Variants in COL4A4 observed in about 807,000 individuals in gnomAD.
COL4A4 encodes the protein collagen type IV alpha 4 chain, also known as collagen alpha-4(IV) chain.
In COL4A4, 105 loss-of-function variants were observed where a neutral mutation model predicts 192.9. The ratio of observed to expected loss-of-function variants is 0.54; its 90% confidence interval spans 0.46 to 0.64. COL4A4 has a LOEUF of 0.64. Ranked by LOEUF, COL4A4 falls within the 30% of genes least tolerant of loss-of-function variation. The pLI, the probability that COL4A4 is intolerant of heterozygous loss-of-function variation, is 0.00. For synonymous variants in COL4A4, 762 were observed against 769.9 expected (o/e 0.99, Z 0.17); for missense variants, 1,967 against 2,169.3 (o/e 0.91, Z 1.85).
chr2:227,153,889 G>A (rs764824857), intron 1 of COL4A4, among the ~76,000 whole-genome samples: 2 of 152,140 alleles, frequency 1.3e-5, no homozygotes, highest in African/African-American at 4.8e-5. Context: ...CCCCATTCCT[G>A]ACATAAAGTC....
At chr2:227,010,252 G>T in intron 46 of COL4A4, 61 bp downstream of exon 46, 1 of 1,570,214 alleles carries the variant, frequency 6.4e-7, no homozygotes, top group Non-Finnish European at 8.8e-7. Context: ...TGATGAATCA[G>T]TAAAATTAAC....
At chr2:227,065,734 T>C (rs2058290357) in intron 25 of COL4A4, among the ~76,000 whole-genome samples, 1 of 152,092 alleles carries the variant, frequency 6.6e-6, no homozygotes, top group Non-Finnish European at 1.5e-5. Flanking sequence ...TACATCACCA[T>C]CATCAAAGAC....
chr2:227,011,817 G>A (rs961484622), intron 45 of COL4A4, among the ~76,000 whole-genome samples: 1 of 152,170 alleles, frequency 6.6e-6, no homozygotes, highest in Non-Finnish European at 1.5e-5. Context: ...CCGTCCCTGA[G>A]GTCTTCATCA....
chr2:227,091,873 G>A (rs1275979734), intron 20 of COL4A4, among the ~76,000 whole-genome samples: 1 of 151,126 alleles, frequency 6.6e-6, no homozygotes, highest in Non-Finnish European at 1.5e-5. Context: ...TCCAGCCTGG[G>A]CAAGAGTAAC....
rs1576163418 is a variant in COL4A4, at chr2:227,054,673, T to C, written c.2781A>G (p.Gly927=). 6.2e-7 allele frequency: 1 copy of C among 1,614,218 alleles called. No individual in the cohort carries two copies. The highest frequency in any genetic ancestry group is 2.2e-5 in the East Asian group (1 of 44,882). Residue 927 remains glycine (G), a synonymous_variant, in exon 31 of 48, where the codon GGA becomes GGG. Transcript: ENST00000396625. The part of the protein sequence containing the change: ...PGERGKPGAE[G]CPGAKGEPGE... ...CAGGTTCTCCCTTTGCGCCAGGACA[T>C]CCCTCTGCACCAGGCTTTCCTCTTT...
Position 227,059,402 on chromosome 2 carries a change from T to A in COL4A4, c.2383+3A>T. The A allele has an allele frequency of 6.2e-7, 1 of 1,613,488 alleles. No individual in the cohort carries two copies. The highest frequency in any genetic ancestry group is 8.5e-7 in the Non-Finnish European group (1 of 1,179,430). The stretch of plus-strand genomic sequence containing the variant: ...CACCAAAAGGACAGCAAAGCCCTCA[T>A]ACCTTCAGCCCCTGGACATCCCGGA... On this transcript the variant is annotated splice_donor_region_variant and intron_variant, in intron 28 of 47. Transcript: ENST00000396625.
At chr2:227,135,064 A>G (rs1458721516) in intron 4 of COL4A4, among the ~76,000 whole-genome samples, 1 of 152,258 alleles carries the variant, frequency 6.6e-6, no homozygotes, top group African/African-American at 2.4e-5. Flanking sequence ...AAGGAATAAT[A>G]GAAAATCCTG....
chr2:226,995,670 C>T, the COL4A4 span: 1 of 640,812 alleles, frequency 1.6e-6, no homozygotes, highest in Non-Finnish European at 2.8e-6. Context: ...TGGGACAGTC[C>T]CATGGCCCCT....
the COL4A4 span, among the ~76,000 whole-genome samples, chr2:226,968,033 G>A: frequency 6.6e-6 from 1 of 152,084 alleles, no homozygotes; most frequent in Non-Finnish European, 1.5e-5. Context: ...CTCATAGGAG[G>A]GTGAAACACC....
chr2:227,003,311 T>TA lies in COL4A4; in HGVS notation c.*4013dup, dbSNP rs1370283828. 6.6e-6 allele frequency: 1 copy of TA among 152,140 alleles called. No individual in the cohort carries two copies. Among genetic ancestry groups the TA allele is most frequent in the African/African-American group, 2.4e-5 (1 of 41,424 alleles). The allele number at this position is 152,140 out of a possible 1,614,324, so 9.4% of individuals were successfully genotyped here. On this transcript the variant is annotated 3_prime_UTR_variant, in exon 48 of 48. Coordinates refer to ENST00000396625, the MANE Select transcript of COL4A4 (RefSeq NM_000092.5). ...TATGATGATGGGTATGCTAGACAGG[T>TA]AATCTAACTTAATTTTCAATGCAAG...
intron 7 of COL4A4, 85 bp downstream of exon 7, chr2:227,118,558 ACT>A: frequency 9.8e-7 from 1 of 1,022,654 alleles, no homozygotes; most frequent in Non-Finnish European, 1.5e-6. Flanking sequence ...ACTTGTATTA[ACT>A]CTGTTTCTTG....
intron 20 of COL4A4, among the ~76,000 whole-genome samples, chr2:227,093,290 TAAACA>T (rs367690088): frequency 1.5e-3 from 235 of 151,928 alleles, no homozygotes; most frequent in Non-Finnish European, 2.0e-3. Flanking sequence ...AGCCACCAGG[TAAACA>T]AAACAAAACA....
intron 4 of COL4A4, 145 bp from the exon 5 acceptor site, chr2:227,121,293 G>A: frequency 1.0e-6 from 1 of 966,500 alleles, no homozygotes. Flanking sequence ...TGGAGATGGT[G>A]GCTCACACCT....
intron 6 of COL4A4, among the ~76,000 whole-genome samples, chr2:227,119,229 C>A (rs1166128876): frequency 1.3e-5 from 2 of 151,780 alleles, no homozygotes; most frequent in Non-Finnish European, 2.9e-5. Context: ...TTTTCTCTAA[C>A]CTGTTAGAAA....
chr2:227,109,392 C>G, intron 9 of COL4A4, 106 bp from the exon 10 acceptor site: 1 of 932,526 alleles, frequency 1.1e-6, no homozygotes, highest in Admixed American at 1.8e-5. Flanking sequence ...AAAGAAATCA[C>G]AGCCACCAGC....
chr2:227,087,791 T>C (rs1227352243), intron 22 of COL4A4, among the ~76,000 whole-genome samples: 1 of 152,232 alleles, frequency 6.6e-6, no homozygotes, highest in Non-Finnish European at 1.5e-5. Context: ...CTGTTTCATG[T>C]AGTCTAGAGT....
chr2:227,106,070 T>G (rs929744356), intron 12 of COL4A4, among the ~76,000 whole-genome samples: 10 of 152,052 alleles, frequency 6.6e-5, no homozygotes, highest in African/African-American at 1.9e-4. Flanking sequence ...GAGTTCAATT[T>G]CTACCTAAAC....
At chr2:227,085,216 A>G (rs747342445) in intron 22 of COL4A4, among the ~76,000 whole-genome samples, 13 of 152,128 alleles carry the variant, frequency 8.5e-5, no homozygotes, top group Non-Finnish European at 1.3e-4. Flanking sequence ...GATAAGGGAC[A>G]TCAACTGCAG....
At chr2:227,113,480 AATT>A (rs2061331494) in intron 8 of COL4A4, among the ~76,000 whole-genome samples, 1 of 152,232 alleles carries the variant, frequency 6.6e-6, no homozygotes, top group South Asian at 2.1e-4. Flanking sequence ...CTGCAATATA[AATT>A]ATTATAACAG....
Sources: gnomAD v4.1 joint callset for allele counts (sites outside exome capture counted in the v4.1 genomes callset) on GRCh38, gnomAD v4.1.1 for gene constraint, MANE v1.5 for transcripts, NCBI Gene and HGNC (gene_info 2026-07-23, HGNC 2026-07-21) for gene names.